Variants in NLRP3 observed in about 807,000 individuals in gnomAD.
The protein encoded by NLRP3 is NACHT, LRR and PYD domains-containing protein 3.
Under a neutral mutation model 91.3 loss-of-function variants are expected in NLRP3, and 48 were observed. The ratio of observed to expected loss-of-function variants is 0.53; its 90% CI spans 0.42 to 0.67. The LOEUF (loss-of-function observed/expected upper bound fraction) is 0.67. Among genes scored for constraint, NLRP3 ranks in the 30% least tolerant of loss-of-function variants. The pLI is 0.00. For synonymous variants in NLRP3, 561 were observed against 507.9 expected (o/e 1.10, Z -1.41); for missense variants, 982 against 1,276.9 (o/e 0.77, Z 3.52).
chr1:247,421,504 C>T (rs1445135099), intron 2 of NLRP3, among the ~76,000 whole-genome samples: 1 of 152,132 alleles, frequency 6.6e-6, no homozygotes, highest in African/African-American at 2.4e-5. Context: ...TACTCACATA[C>T]CCAAATGAAA....
At chr1:247,437,651 G>C (rs1663889772) in intron 7 of NLRP3, among the ~76,000 whole-genome samples, 1 of 152,228 alleles carries the variant, frequency 6.6e-6, no homozygotes, top group Non-Finnish European at 1.5e-5. Flanking sequence ...GGTGGGCACT[G>C]ACAGCAGCAG....
intron 4 of NLRP3, 117 bp from the exon 5 acceptor site, chr1:247,429,468 T>A: frequency 8.3e-7 from 1 of 1,199,814 alleles, no homozygotes; most frequent in African/African-American, 1.5e-5. Flanking sequence ...CGTGACCCAT[T>A]TCTTAATCCC....
At chr1:247,429,526 C>T (rs1292630222) in intron 4 of NLRP3, 59 bp from the exon 5 acceptor site, 12 of 1,591,594 alleles carry the variant, frequency 7.5e-6, no homozygotes, top group Non-Finnish European at 9.5e-6. Flanking sequence ...GCCCCCAGCT[C>T]CAGTTAGTTA....
At chr1:247,436,687 A>G (rs1163243910) in intron 7 of NLRP3, among the ~76,000 whole-genome samples, 1 of 152,190 alleles carries the variant, frequency 6.6e-6, no homozygotes, top group African/African-American at 2.4e-5. Context: ...CTGATGATGC[A>G]TGGTGGATGT....
rs535269127 is a variant in NLRP3, at chr1:247,442,511, G to A, written c.2664-1461G>A. On this transcript the variant is annotated intron_variant, in intron 7 of 9. Coordinates refer to ENST00000336119, the MANE Select transcript of NLRP3 (RefSeq NM_001243133.2). ...GTACATCAAAACTCTTAATTCCATC[G>A]AGATTGATGCATTTTTGGGGTTTTA... Among the ~76,000 whole-genome samples the A allele has an allele frequency of 7.2e-5, 11 of 152,144 alleles. No individual in the cohort carries two copies. The East Asian group carries it at 1.7e-3, about 24-fold the overall frequency.
At chr1:247,427,678 C>G (rs1662999414) in intron 4 of NLRP3, among the ~76,000 whole-genome samples, 1 of 140,186 alleles carries the variant, frequency 7.1e-6, no homozygotes, top group South Asian at 2.4e-4. Context: ...CCTCTGAGGA[C>G]AGACTCTGAT....
chr1:247,421,520 A>T (rs1358547774), intron 2 of NLRP3, among the ~76,000 whole-genome samples: 1 of 152,272 alleles, frequency 6.6e-6, no homozygotes, highest in Non-Finnish European at 1.5e-5. Flanking sequence ...TGAAAGTGTC[A>T]TAATCACAAC....
chr1:247,429,711 G>C lies in NLRP3; in HGVS notation c.2277G>C (p.Leu759Phe), dbSNP rs1008911988. The C allele has an allele frequency of 1.2e-6, 2 of 1,614,142 alleles. No homozygotes were observed. Among genetic ancestry groups the C allele is most frequent in the Non-Finnish European group, 1.7e-6 (2 of 1,180,012 alleles). Reference sequence around the variant, plus strand: ...TGGGGGACCCAGGGATGAGAGTGTTGTGTGAAACGCTCCAGCATCCTGGCT... The same window carrying C: ...TGGGGGACCCAGGGATGAGAGTGTTCTGTGAAACGCTCCAGCATCCTGGCT... ...NSLGDPGMRVLCETLQHPGCN... is the reference protein window; with the variant it reads ...NSLGDPGMRVFCETLQHPGCN... Residue 759 changes from leucine (L) to phenylalanine (F), a missense_variant, in exon 5 of 10, where the codon TTG becomes TTC. By Grantham distance (22) the Leu-to-Phe change is conservative. This residue lies in a region of NLRP3 where 373 missense variants were observed against 431.5 expected (regional missense o/e 0.86). Transcript: ENST00000336119.
At chr1:247,429,872 T>A (rs1007858904) in intron 5 of NLRP3, 117 bp downstream of exon 5, 1 of 1,270,760 alleles carries the variant, frequency 7.9e-7, no homozygotes, top group Non-Finnish European at 1.1e-6. Flanking sequence ...TTTCTTTTCT[T>A]TTTCTTTTTT....
At chr1:247,420,530 A>G (rs1662381161) in intron 2 of NLRP3, among the ~76,000 whole-genome samples, 2 of 151,984 alleles carry the variant, frequency 1.3e-5, no homozygotes, top group African/African-American at 4.8e-5. Flanking sequence ...CCTGGCCAAC[A>G]TGGCAAAACC....
chr1:247,436,999 A>C (rs1539019), intron 7 of NLRP3, among the ~76,000 whole-genome samples: 95,282 of 152,106 alleles, frequency 0.63, 30,036 homozygotes, highest in Admixed American at 0.7. Context: ...GAGCCTCATA[A>C]CTTTGTCCAA....
rs200088340 is a variant in NLRP3 at position 247,425,082 on chromosome 1, C to G, written c.1633C>G (p.Pro545Ala). Residue 545 changes from proline to alanine, a missense_variant, in exon 4 of 10, where the codon CCA becomes GCA. Physicochemically the swap from Pro to Ala is conservative, Grantham distance 27. This residue lies in a region of NLRP3 where 548 missense variants were observed against 713.7 expected (regional missense o/e 0.77). Transcript: ENST00000336119. The surrounding 1 kb of genome is among the most constrained non-coding windows in gnomAD (Gnocchi z 4.1). ...EEEKEGRTNV[P>A]GSRLKLPSRD... ...GGAAAAGGAAGGAAGGACGAACGTT[C>G]CAGGGAGTCGTTTGAAGCTTCCCAG... 16 of 1,614,142 alleles carry G rather than the reference C, an allele frequency of 9.9e-6. No homozygotes were observed. Among genetic ancestry groups the G allele is most frequent in the Non-Finnish European group, 1.3e-5 (15 of 1,180,020 alleles).
chr1:247,418,915 C>G lies in NLRP3; in HGVS notation c.115C>G (p.Leu39Val), dbSNP rs868594006. ...DYPPQKGCIPLPRGQTEKADH... is the reference protein window; with the variant it reads ...DYPPQKGCIPVPRGQTEKADH... ...TCCTCCCCAGAAGGGCTGCATCCCC[C>G]TCCCGAGGGGTCAGACAGAGAAGGC... The change falls in exon 2 of 10, where the codon CTC becomes GTC. Residue 39 changes from leucine (L) to valine (V), a missense_variant. This residue lies in a region of NLRP3 where 548 missense variants were observed against 713.7 expected (regional missense o/e 0.77). Coordinates refer to ENST00000336119, the MANE Select transcript of NLRP3 (RefSeq NM_001243133.2). The G allele has an allele frequency of 6.2e-7, 1 of 1,614,162 alleles. No individual in the cohort carries two copies. The highest frequency in any genetic ancestry group is 1.1e-5 in the South Asian group (1 of 91,080).
At chr1:247,421,476 AT>A (rs1662455095) in intron 2 of NLRP3, among the ~76,000 whole-genome samples, 1 of 152,200 alleles carries the variant, frequency 6.6e-6, no homozygotes, top group Non-Finnish European at 1.5e-5. Flanking sequence ...AGCAATTATC[AT>A]TGTGTCAGTA....
chr1:247,447,309 GAACA>G (rs1398245556), intron 9 of NLRP3, among the ~76,000 whole-genome samples: 2 of 152,148 alleles, frequency 1.3e-5, no homozygotes, highest in African/African-American at 4.8e-5. Flanking sequence ...AGGGGAGAAA[GAACA>G]AACTCTCTGA....
At chr1:247,429,899 A>G (rs1663184717) in intron 5 of NLRP3, 144 bp downstream of exon 5, 1 of 1,077,136 alleles carries the variant, frequency 9.3e-7, no homozygotes, top group African/African-American at 1.6e-5. Context: ...TTTGAGGCAG[A>G]GTTTTGCTCT....
At chr1:247,433,019 A>G (rs78148018) in intron 5 of NLRP3, among the ~76,000 whole-genome samples, 10,254 of 151,368 alleles carry the variant, frequency 0.068, 411 homozygotes, top group East Asian at 0.17. Flanking sequence ...TCTTTAGAAG[A>G]TAATAATAAT....
intron 7 of NLRP3, among the ~76,000 whole-genome samples, chr1:247,440,710 C>T (rs1664150144): frequency 6.6e-6 from 1 of 152,170 alleles, no homozygotes; most frequent in Non-Finnish European, 1.5e-5. Context: ...CTCCTGGGCT[C>T]AAGCAATCCT....
intron 7 of NLRP3, among the ~76,000 whole-genome samples, chr1:247,439,710 A>G (rs1309089976): frequency 1.3e-5 from 2 of 152,226 alleles, no homozygotes; most frequent in African/African-American, 4.8e-5. Flanking sequence ...TTGAAACTAG[A>G]ACCATAATAT....
Sources: allele counts gnomAD v4.1 joint callset (sites outside exome capture counted in the v4.1 genomes callset), GRCh38; gene constraint gnomAD v4.1.1; regional missense constraint gnomAD v4.1.1; non-coding constraint Gnocchi (gnomAD v3.1); transcripts MANE v1.5; gene names NCBI Gene and HGNC (gene_info 2026-07-23, HGNC 2026-07-21).